PTK2: variants seen among roughly 807,000 people sequenced by gnomAD.
PTK2 encodes focal adhesion kinase 1.
PTK2 carries 45 observed loss-of-function variants against 150.1 expected under a neutral mutation model. The ratio of observed to expected loss-of-function variants is 0.30; its 90% confidence interval spans 0.24 to 0.38. The LOEUF is 0.38. Among genes scored for constraint, PTK2 ranks in the 10% least tolerant of loss-of-function variants. The pLI is 1.00. For missense variants in PTK2, 919 were observed against 1,307.3 expected, an observed-to-expected ratio of 0.70 and a Z score of 4.58; for synonymous variants, 432 against 449.2, an observed-to-expected ratio of 0.96 and a Z score of 0.48.
intron 1 of PTK2, among the ~76,000 whole-genome samples, chr8:140,977,382 G>A (rs780502408): frequency 2.0e-5 from 3 of 152,190 alleles, no homozygotes; most frequent in Non-Finnish European, 2.9e-5. Context: ...CCAGCACTTT[G>A]GGAGGCCAAA....
intron 1 of PTK2, among the ~76,000 whole-genome samples, chr8:140,972,978 AATGTT>A (rs2100187887): frequency 1.3e-5 from 2 of 152,232 alleles, no homozygotes. Flanking sequence ...CCCTGATAGA[AATGTT>A]AGAACAGATG....
chr8:140,685,778 A>C (rs993090517), intron 27 of PTK2, among the ~76,000 whole-genome samples: 2 of 152,250 alleles, frequency 1.3e-5, no homozygotes, highest in Non-Finnish European at 2.9e-5. Flanking sequence ...CACTTAAGAC[A>C]CTGCTGGTGG....
intron 2 of PTK2, among the ~76,000 whole-genome samples, chr8:140,900,431 T>C (rs927815469): frequency 6.6e-5 from 10 of 152,056 alleles, no homozygotes; most frequent in Admixed American, 5.9e-4. Flanking sequence ...GTGAAAGAAA[T>C]TGAAGAGGGG....
chr8:140,676,527 G>C (rs2100013805), intron 27 of PTK2, among the ~76,000 whole-genome samples: 1 of 148,608 alleles, frequency 6.7e-6, no homozygotes, highest in Non-Finnish European at 1.5e-5. Flanking sequence ...GTTCTCATAA[G>C]TTGGAGCTAA....
At chr8:140,693,971 G>A (rs2100024808) in intron 26 of PTK2, among the ~76,000 whole-genome samples, 1 of 152,142 alleles carries the variant, frequency 6.6e-6, no homozygotes, top group Non-Finnish European at 1.5e-5. Context: ...CAGTAGGCCT[G>A]GGTGGGTCTA....
chr8:140,664,628 C>T (rs1192898251), intron 31 of PTK2, among the ~76,000 whole-genome samples: 1 of 152,212 alleles, frequency 6.6e-6, no homozygotes, highest in Non-Finnish European at 1.5e-5. Context: ...CTCAGAGCCA[C>T]TTGTAGCTCA....
chr8:140,935,702 CTT>C (rs34554819), intron 1 of PTK2, among the ~76,000 whole-genome samples: 3 of 123,848 alleles, frequency 2.4e-5, no homozygotes, highest in Non-Finnish European at 3.2e-5. Flanking sequence ...ATGTCCTCAT[CTT>C]TTTTTTTTTT....
intron 1 of PTK2, chr8:140,948,570 G>C (rs2100178470): frequency 6.8e-6 from 1 of 146,094 alleles, no homozygotes; most frequent in Admixed American, 7.2e-5. Context: ...AGAGATATGG[G>C]GAATAACATA....
intron 1 of PTK2, among the ~76,000 whole-genome samples, chr8:140,988,295 G>A (rs769620333): frequency 2.7e-4 from 41 of 152,186 alleles, no homozygotes; most frequent in Admixed American, 1.2e-3. Context: ...ATCTGCAAAA[G>A]GTCAAGAACA....
chr8:140,859,022 A>C (rs962673056), intron 5 of PTK2, among the ~76,000 whole-genome samples: 2 of 152,250 alleles, frequency 1.3e-5, no homozygotes, highest in African/African-American at 4.8e-5. Flanking sequence ...AGCTGAAAGC[A>C]ACTAAAACCG....
chr8:140,750,004 T>C (rs1372928277), intron 17 of PTK2, among the ~76,000 whole-genome samples: 1 of 152,162 alleles, frequency 6.6e-6, no homozygotes, highest in Non-Finnish European at 1.5e-5. Flanking sequence ...TGCACAAGAA[T>C]ACCAGCAAAG....
intron 1 of PTK2, among the ~76,000 whole-genome samples, chr8:140,994,999 G>A (rs897864305): frequency 6.6e-6 from 1 of 150,678 alleles, no homozygotes; most frequent in Non-Finnish European, 1.5e-5. Context: ...CAGGAGAATC[G>A]CCTGAACTGG....
intron 22 of PTK2, among the ~76,000 whole-genome samples, chr8:140,731,823 A>G (rs1258249154): frequency 6.6e-6 from 1 of 152,144 alleles, no homozygotes; most frequent in African/African-American, 2.4e-5. Context: ...GAATCACTTG[A>G]GCATGGGAGG....
At chr8:140,920,027 T>C (rs1012996553) in intron 2 of PTK2, among the ~76,000 whole-genome samples, 3 of 152,156 alleles carry the variant, frequency 2.0e-5, no homozygotes, top group Non-Finnish European at 4.4e-5. Context: ...TGCAGCCTTT[T>C]ACAACAGTGC....
At chr8:140,664,241 C>A (rs6993653) in intron 31 of PTK2, among the ~76,000 whole-genome samples, 5,308 of 152,298 alleles carry the variant, frequency 0.035, 293 homozygotes, top group African/African-American at 0.12. Context: ...CTCAGCCTCC[C>A]AAAGTGCTCA....
At chr8:140,824,782 T>C (rs963175523) in intron 8 of PTK2, among the ~76,000 whole-genome samples, 6 of 152,356 alleles carry the variant, frequency 3.9e-5, no homozygotes, top group Admixed American at 2.0e-4. Context: ...AACAAGACTG[T>C]TCTCATTGCA....
intron 18 of PTK2, among the ~76,000 whole-genome samples, chr8:140,745,474 G>C (rs879403700): frequency 6.6e-6 from 1 of 152,186 alleles, no homozygotes; most frequent in Admixed American, 6.5e-5. Context: ...AAGCAGAAAA[G>C]TACCGTGAAC....
intron 5 of PTK2, among the ~76,000 whole-genome samples, chr8:140,853,508 A>G (rs2154604928): frequency 6.6e-6 from 1 of 151,844 alleles, no homozygotes; most frequent in East Asian, 2.0e-4. Context: ...TGTCCCTACA[A>G]AGGACATGAA....
In PTK2 at chr8:140,929,467, G is replaced by A. The variant is rs565066761; in HGVS notation, c.-121-3718C>T. Among the ~76,000 whole-genome samples the A allele has an allele frequency of 1.2e-4, 18 of 152,268 alleles. No individual in the cohort carries two copies. In the South Asian group the frequency reaches 3.7e-3, roughly 32 times the overall value. On this transcript the variant is annotated intron_variant, in intron 1 of 31. Coordinates refer to ENST00000522684, the Ensembl canonical transcript of PTK2. ...CTGACTAAGGGCTTATATTGTTCCA[G>A]CCCTGTACAAGGTGGCTTTATGTGT...
Sources: allele counts gnomAD v4.1 joint callset (sites outside exome capture counted in the v4.1 genomes callset), GRCh38; gene constraint gnomAD v4.1.1; transcripts MANE v1.5; gene names NCBI Gene and HGNC (gene_info 2026-07-23, HGNC 2026-07-21).